CARNMT1: variants seen among roughly 807,000 people sequenced by gnomAD.
The protein encoded by CARNMT1 is carnosine N-methyltransferase 1, also known as protein-L-histidine N-pros-methyltransferase CARNMT1.
A neutral mutation model predicts 49.6 loss-of-function variants in CARNMT1; 28 were observed. That is an observed-to-expected ratio of 0.56 (90% confidence interval 0.42 to 0.77). The LOEUF is 0.77. Among genes scored for constraint, CARNMT1 ranks in the 30% least tolerant of loss-of-function variants. The probability of loss-of-function intolerance (pLI) is 0.00; values close to 1 mark genes in which losing one functional copy is unlikely to be tolerated. For missense variants in CARNMT1, 421 were observed against 512.6 expected, an observed-to-expected ratio of 0.82 and a Z score of 1.73; for synonymous variants, 178 against 175.0, an observed-to-expected ratio of 1.02 and a Z score of -0.13.
intron 7 of CARNMT1, among the ~76,000 whole-genome samples, 155 bp from the exon 8 acceptor site, chr9:74,984,023 G>C (rs1012718975): frequency 2.0e-5 from 3 of 152,200 alleles, no homozygotes. Flanking sequence ...ATTAATATTA[G>C]TAGTCTCACT....
intron 6 of CARNMT1, 57 bp from the exon 7 acceptor site, chr9:74,985,067 T>C: frequency 4.0e-6 from 5 of 1,256,406 alleles, no homozygotes; most frequent in Non-Finnish European, 5.8e-6. Flanking sequence ...CATAGCTGTG[T>C]TACACTGAAT....
chr9:74,996,374 T>C, intron 6 of CARNMT1, 73 bp downstream of exon 6: 1 of 742,580 alleles, frequency 1.3e-6, no homozygotes, highest in Non-Finnish European at 2.3e-6. Context: ...TTTGAGACTG[T>C]GAAGTTAAAT....
chr9:75,016,180 C>G, intron 3 of CARNMT1, 88 bp downstream of exon 3: 1 of 993,862 alleles, frequency 1.0e-6, no homozygotes, highest in South Asian at 1.6e-5. Context: ...GCAACTATAA[C>G]AATGAAGCGA....
chr9:74,998,511 A>G, intron 5 of CARNMT1, 87 bp downstream of exon 5: 1 of 1,084,424 alleles, frequency 9.2e-7, no homozygotes, highest in South Asian at 2.3e-5. Flanking sequence ...ATCAAAATGA[A>G]TGATCTAAAC....
chr9:75,026,046 C>G (rs993698798), intron 1 of CARNMT1, among the ~76,000 whole-genome samples: 1 of 152,282 alleles, frequency 6.6e-6, no homozygotes, highest in African/African-American at 2.4e-5. Context: ...TTCTGTACCC[C>G]TAGGCTTTAA....
At chr9:75,021,249 G>GTATATACATAGTATATATGTA (rs1423506192) in intron 1 of CARNMT1, among the ~76,000 whole-genome samples, 31 of 141,946 alleles carry the variant, frequency 2.2e-4, no homozygotes, top group Admixed American at 1.5e-3. Context: ...TATATACATA[G>GTATATACATAGTATATATGTA]TATATACATA....
At chr9:75,021,925 A>C (rs1261781105) in intron 1 of CARNMT1, among the ~76,000 whole-genome samples, 1 of 152,114 alleles carries the variant, frequency 6.6e-6, no homozygotes, top group East Asian at 1.9e-4. Flanking sequence ...GTAACAGAGC[A>C]AAAACCCTGT....
At chr9:75,005,766 C>T (rs1833488621) in intron 3 of CARNMT1, among the ~76,000 whole-genome samples, 1 of 150,324 alleles carries the variant, frequency 6.7e-6, no homozygotes. Flanking sequence ...AGCCACCGAG[C>T]CCGGCAAGTA....
At chr9:74,995,407 A>AC (rs1217066277) in intron 6 of CARNMT1, among the ~76,000 whole-genome samples, 1 of 152,238 alleles carries the variant, frequency 6.6e-6, no homozygotes, top group Non-Finnish European at 1.5e-5. Context: ...GCAAATACCC[A>AC]GTAGGTAATA....
rs756370570 is a variant in CARNMT1, at chr9:75,016,431, CCT to C, written c.427-2_427-1del. On this transcript the variant is annotated splice_acceptor_variant, in intron 2 of 7. Coordinates refer to ENST00000376834, the MANE Select transcript of CARNMT1 (RefSeq NM_152420.3). LOFTEE classifies it high-confidence loss of function. ...GATGCTGGCATAATCTTTCCATTCC[CCT>C]GTTTAAAAAACAGACATCAATTAGC... 6.2e-6 allele frequency: 10 copies of C among 1,612,216 alleles called. No individual in the cohort carries two copies. Among genetic ancestry groups the C allele is most frequent in the African/African-American group, 2.7e-5 (2 of 74,792 alleles).
chr9:74,993,991 T>C (rs1833112473), intron 6 of CARNMT1, among the ~76,000 whole-genome samples: 1 of 152,136 alleles, frequency 6.6e-6, no homozygotes, highest in Non-Finnish European at 1.5e-5. Flanking sequence ...TAATCCCCAG[T>C]GTGGCTGTAT....
Position 74,981,543 on chromosome 9 carries a change from T to C in CARNMT1, c.*2224A>G, listed in dbSNP as rs1459826025. The C allele has an allele frequency of 6.6e-6, 1 of 152,150 alleles. No homozygotes were observed. The highest frequency in any genetic ancestry group is 2.4e-5 in the African/African-American group (1 of 41,456). 9.4% of individuals were successfully genotyped at this position (152,150 alleles called of 1,614,324 possible). A position where few individuals can be genotyped will look rare whatever the true frequency, so the allele number is the denominator to read the frequency against. ...GCAAAAGCTGTAAGAAAAGAAGTGA[T>C]GCAAATTTGTATAGAACATTTAAAA... On this transcript the variant is annotated 3_prime_UTR_variant, in exon 8 of 8. Transcript: ENST00000376834.
At position 74,983,280 on chromosome 9, in the gene CARNMT1, C is replaced by T. The variant is rs894014197; in HGVS notation, c.*487G>A. 6.6e-6 allele frequency: 1 copy of T among 151,374 alleles called. No homozygotes were observed. Among genetic ancestry groups the T allele is most frequent in the Non-Finnish European group, 1.5e-5 (1 of 67,908 alleles). 9.4% of individuals were successfully genotyped at this position (151,374 alleles called of 1,614,324 possible). A position where few individuals can be genotyped will look rare whatever the true frequency, so the allele number is the denominator to read the frequency against. On this transcript the variant is annotated 3_prime_UTR_variant, in exon 8 of 8. Coordinates refer to ENST00000376834, the MANE Select transcript of CARNMT1 (RefSeq NM_152420.3). ...AAAAAAAAAAAAGACATATTTTACG[C>T]ATAGTTTTCTTAGATTGAAAGTGAA...
intron 1 of CARNMT1, among the ~76,000 whole-genome samples, chr9:75,021,533 A>C (rs1822364066): frequency 6.6e-6 from 1 of 150,778 alleles, no homozygotes; most frequent in South Asian, 2.1e-4. Context: ...ATATTACTAA[A>C]ATGTTCAAAG....
chr9:74,983,800 T>A lies in CARNMT1; in HGVS notation c.1197A>T (p.Glu399Asp). The A allele has an allele frequency of 6.2e-7, 1 of 1,608,826 alleles. No homozygotes were observed. Among genetic ancestry groups the A allele is most frequent in the Non-Finnish European group, 8.5e-7 (1 of 1,177,198 alleles). ...NDLSMMKYYY[E>D]CVLFVVRKPQ ...GCTTACGGACCACAAACAAGACACA[T>A]TCATAGTAGTATTTCATCATAGAGA... The change falls in exon 8 of 8, where the codon GAA becomes GAT. Residue 399 changes from glutamate to aspartate, a missense_variant. Physicochemically the swap from Glu to Asp is conservative, Grantham distance 45 (BLOSUM62 2). Transcript: ENST00000376834.
At chr9:74,988,694 T>C (rs549233537) in intron 6 of CARNMT1, among the ~76,000 whole-genome samples, 4 of 152,336 alleles carry the variant, frequency 2.6e-5, no homozygotes, top group African/African-American at 9.6e-5. Flanking sequence ...TGGCAAATAG[T>C]TGAGGCTTTG....
intron 3 of CARNMT1, among the ~76,000 whole-genome samples, chr9:75,000,864 G>C (rs905535357): frequency 2.0e-5 from 3 of 151,942 alleles, no homozygotes; most frequent in Non-Finnish European, 4.4e-5. Flanking sequence ...TATAACCTTT[G>C]CATGTCCCAC....
At chr9:75,016,755 G>C (rs1453795854) in intron 2 of CARNMT1, 1 of 277,388 alleles carries the variant, frequency 3.6e-6, no homozygotes, top group Non-Finnish European at 6.7e-6. Flanking sequence ...CCAGGTCATT[G>C]ATGGGGCAGC....
At chr9:75,011,958 G>A (rs1043135477) in intron 3 of CARNMT1, among the ~76,000 whole-genome samples, 6 of 152,158 alleles carry the variant, frequency 3.9e-5, no homozygotes, top group African/African-American at 1.2e-4. Flanking sequence ...CGGCAGACAC[G>A]TGGATTGCTG....
Sources: gnomAD v4.1 joint callset for allele counts (sites outside exome capture counted in the v4.1 genomes callset) on GRCh38, gnomAD v4.1.1 for gene constraint, MANE v1.5 for transcripts, NCBI Gene and HGNC (gene_info 2026-07-23, HGNC 2026-07-21) for gene names.